Variants in HYAL1 observed in about 807,000 individuals in gnomAD.
HYAL1 encodes hyaluronidase-1.
In HYAL1, 21 loss-of-function variants were observed where a neutral mutation model predicts 28.8. The ratio of observed to expected loss-of-function variants is 0.73; its 90% CI spans 0.52 to 1.05. The LOEUF is 1.05. Ranked by LOEUF, HYAL1 falls within the 50% of genes least tolerant of loss-of-function variation. The pLI is 0.00. For missense variants in HYAL1, 491 were observed against 579.2 expected (o/e 0.85, Z 1.56); for synonymous variants, 200 against 230.1 (o/e 0.87, Z 1.18).
Position 50,300,448 on chromosome 3 carries a change from A to G in HYAL1, c.*35T>C, listed in dbSNP as rs782703015. ...GCCCTGGCCAGACCCAGAGTGCATTAGGTTCTCAATATGTGCAACTCAGTG... is the reference window on the plus strand; with the variant it reads ...GCCCTGGCCAGACCCAGAGTGCATTGGGTTCTCAATATGTGCAACTCAGTG... On this transcript the variant is annotated 3_prime_UTR_variant, in exon 4 of 4. Transcript: ENST00000395144. 26 of 1,608,356 alleles carry G rather than the reference A, an allele frequency of 1.6e-5. No homozygotes were observed. The highest frequency in any genetic ancestry group is 2.1e-5 in the Non-Finnish European group (25 of 1,175,008).
At chr3:50,303,643 C>A (rs781838559), upstream of HYAL1, 38 of 152,322 alleles carry the variant, frequency 2.5e-4, no homozygotes, top group Admixed American at 2.5e-3. Context: ...GGCCAAGGGG[C>A]GGGCCTTGGA....
Position 50,301,913 on chromosome 3 carries a change from T to G in HYAL1, c.900+144A>C. On this transcript the variant is annotated intron_variant, in intron 2 of 3. Transcript: ENST00000395144. ...TTGCAGTGAGCCAAGATCGTGCCAC[T>G]GCACTCCAGCCTGGGTGACAGAGTG... The G allele has an allele frequency of 3.5e-6, 3 of 863,686 alleles. No homozygotes were observed. In the South Asian group the frequency reaches 4.3e-5, roughly 12 times the overall value. 53.5% of individuals were successfully genotyped at this position (863,686 alleles called of 1,614,324 possible). A position where few individuals can be genotyped will look rare whatever the true frequency, so the allele number is the denominator to read the frequency against.
At chr3:50,301,243 G>T (rs1702143694) in intron 2 of HYAL1, among the ~76,000 whole-genome samples, 166 bp from the exon 3 acceptor site, 1 of 152,172 alleles carries the variant, frequency 6.6e-6, no homozygotes, top group Non-Finnish European at 1.5e-5. Flanking sequence ...ATTCCATGCA[G>T]ACAGGGACTA....
At position 50,302,873 on chromosome 3, in the gene HYAL1, G is replaced by A. The variant is rs782588575; in HGVS notation, c.84C>T (p.Pro28=). Residue 28 remains proline (P), a synonymous_variant, in exon 2 of 4, where the codon CCC becomes CCT. Coordinates refer to ENST00000395144, the MANE Select transcript of HYAL1 (RefSeq NM_033159.4). This position sits in a 1 kb window ranked among gnomAD's most constrained non-coding sequence, Gnocchi z 5.0. ...TCCAGACGGTGGTGAAGGGCCGGTTGGGTAGCAAGGGGCCCCTAAAGCCTT... is the reference window on the plus strand; with the variant it reads ...TCCAGACGGTGGTGAAGGGCCGGTTAGGTAGCAAGGGGCCCCTAAAGCCTT... ...MAQGFRGPLL[P]NRPFTTVWNA... The A allele has an allele frequency of 1.2e-6, 2 of 1,612,930 alleles. No homozygotes were observed. The highest frequency in any genetic ancestry group is 4.5e-5 in the East Asian group (2 of 44,866).
chr3:50,310,938 A>T (rs1440300494), intron 1 of HYAL1, among the ~76,000 whole-genome samples: 2 of 151,906 alleles, frequency 1.3e-5, no homozygotes, highest in African/African-American at 4.8e-5. Context: ...GATCAACAGG[A>T]TCCCAAGGCA....
In HYAL1 at chr3:50,302,003, AC is replaced by A; in HGVS notation, c.900+53del. Reference sequence around the variant, plus strand: ...CAAAGCTAAAGTACCCCAAGGCTGGACCTAATATCTGACAAGGCAGGTTGAC... The same window carrying A: ...CAAAGCTAAAGTACCCCAAGGCTGGACTAATATCTGACAAGGCAGGTTGAC... On this transcript the variant is annotated intron_variant, in intron 2 of 3. Coordinates refer to ENST00000395144, the MANE Select transcript of HYAL1 (RefSeq NM_033159.4). This position sits in a 1 kb window ranked among gnomAD's most constrained non-coding sequence, Gnocchi z 5.0. The A allele has an allele frequency of 6.4e-7, 1 of 1,561,856 alleles. No individual in the cohort carries two copies. Among genetic ancestry groups the A allele is most frequent in the African/African-American group, 1.4e-5 (1 of 73,958 alleles).
upstream of HYAL1, among the ~76,000 whole-genome samples, chr3:50,304,335 ATATG>A (rs1264719546): frequency 9.0e-5 from 10 of 111,150 alleles, no homozygotes; most frequent in African/African-American, 3.3e-4. Flanking sequence ...ATATATATAT[ATATG>A]GCTATAGTCT....
intron 1 of HYAL1, among the ~76,000 whole-genome samples, chr3:50,310,110 TA>T (rs1702416339): frequency 1.3e-5 from 2 of 151,520 alleles, no homozygotes; most frequent in African/African-American, 4.9e-5. Flanking sequence ...ATTCTAGTCT[TA>T]ACTGTTTTTT....
chr3:50,307,696 A>G (rs1429010723), upstream of HYAL1, among the ~76,000 whole-genome samples: 1 of 149,754 alleles, frequency 6.7e-6, no homozygotes, highest in African/African-American at 2.5e-5. Flanking sequence ...AAAAAAAAAA[A>G]AAAAAAAACC....
At chr3:50,309,021 G>A (rs1490758125) in intron 2 of HYAL1, among the ~76,000 whole-genome samples, 1 of 151,228 alleles carries the variant, frequency 6.6e-6, no homozygotes, top group Non-Finnish European at 1.5e-5. Flanking sequence ...GAGCCACCGT[G>A]CCTGGCCAAC....
At chr3:50,309,408 G>C (rs1484895494) in intron 2 of HYAL1, among the ~76,000 whole-genome samples, 3 of 145,538 alleles carry the variant, frequency 2.1e-5, no homozygotes, top group Non-Finnish European at 4.4e-5. Flanking sequence ...AGGTGGCAGT[G>C]AGCTGAGATT....
chr3:50,309,158 A>G (rs1180778160), intron 2 of HYAL1, among the ~76,000 whole-genome samples: 2 of 151,278 alleles, frequency 1.3e-5, no homozygotes, highest in Non-Finnish European at 2.9e-5. Context: ...AGTTATTTGC[A>G]TAAGTGCCAT....
chr3:50,310,992 G>A (rs1334404890), intron 1 of HYAL1, among the ~76,000 whole-genome samples: 1 of 152,090 alleles, frequency 6.6e-6, no homozygotes, highest in Admixed American at 6.5e-5. Context: ...AGTCTCCCAC[G>A]TCTACATCTT....
At position 50,302,260 on chromosome 3, in the gene HYAL1, C is replaced by G. The variant is rs1553713123; in HGVS notation, c.697G>C (p.Gly233Arg). 4 of 1,613,902 alleles carry G rather than the reference C, an allele frequency of 2.5e-6. No individual in the cohort carries two copies. Among genetic ancestry groups the G allele is most frequent in the Non-Finnish European group, 2.5e-6 (3 of 1,180,012 alleles). The change falls in exon 2 of 4, where the codon GGG becomes CGG. Residue 233 changes from glycine to arginine, a missense_variant. Coordinates refer to ENST00000395144, the MANE Select transcript of HYAL1 (RefSeq NM_033159.4). The surrounding 1 kb of genome is among the most constrained non-coding windows in gnomAD (Gnocchi z 5.0). Reference protein sequence around the residue: ...SGIRAQNDQLGWLWGQSRALY... With the variant: ...SGIRAQNDQLRWLWGQSRALY... ...GCACGGCTCTGGCCCCACAGCCACC[C>G]TAGCTGGTCATTTTGGGCACGGATG...
At position 50,302,916 on chromosome 3, in the gene HYAL1, G is replaced by C. The variant is rs1702231355; in HGVS notation, c.41C>G (p.Thr14Ser). The C allele has an allele frequency of 5.0e-6, 8 of 1,596,308 alleles. No individual in the cohort carries two copies. Among genetic ancestry groups the C allele is most frequent in the Non-Finnish European group, 6.0e-6 (7 of 1,168,302 alleles). The change falls in exon 2 of 4, where the codon ACC becomes AGC. Residue 14 changes from threonine (T) to serine (S), a missense_variant. Transcript: ENST00000395144. This position sits in a 1 kb window ranked among gnomAD's most constrained non-coding sequence, Gnocchi z 5.0. ...AAAGCCTTGGGCCATATCGAGTAAG[G>C]TCAGGAAGAGGGCGCAGATGGGAAG... ...HLLPICALFLTLLDMAQGFRG... is the reference protein window; with the variant it reads ...HLLPICALFLSLLDMAQGFRG...
intron 1 of HYAL1, among the ~76,000 whole-genome samples, chr3:50,312,030 C>G (rs868913058): frequency 7.3e-6 from 1 of 137,046 alleles, no homozygotes; most frequent in South Asian, 2.3e-4. Context: ...CTGTCCCCCC[C>G]ACCTCCCTCC....
At position 50,302,681 on chromosome 3, in the gene HYAL1, C is replaced by T. The variant is rs373545891; in HGVS notation, c.276G>A (p.Val92=). ...YPYYTPTGEP[V]FGGLPQNASL... ...TGGCATTCTGGGGCAGACCACCAAA[C>T]ACAGGCTCCCCAGTGGGCGTGTAGT... is the stretch of plus-strand genomic sequence containing the variant. Residue 92 remains valine, a synonymous_variant, in exon 2 of 4, where the codon GTG becomes GTA. Coordinates refer to ENST00000395144, the MANE Select transcript of HYAL1 (RefSeq NM_033159.4). The surrounding 1 kb of genome is among the most constrained non-coding windows in gnomAD (Gnocchi z 5.0). The T allele has an allele frequency of 2.3e-5, 37 of 1,614,012 alleles. No homozygotes were observed. Among genetic ancestry groups the T allele is most frequent in the Non-Finnish European group, 1.5e-5 (18 of 1,180,032 alleles).
rs587625905 is a variant in HYAL1 at position 50,308,734 on chromosome 3, C to CTTT, written c.-191+922_-191+924dup. On this transcript the variant is annotated intron_variant, in intron 2 of 5. Coordinates refer to the HYAL1 transcript ENST00000320295. ...ACAGGCATGAGCCACCGTGCCTGGC[C>CTTT]TTTTTTTTTTTTTTTAGACGAAGTC... 4.7e-4 allele frequency among the ~76,000 whole-genome samples: 55 copies of CTTT among 117,314 alleles called. 1 individual carries two copies. Among genetic ancestry groups the CTTT allele is most frequent in the African/African-American group, 1.7e-3 (50 of 29,348 alleles). 77.0% of individuals were successfully genotyped at this position (117,314 alleles called of 152,430 possible). A position where few individuals can be genotyped will look rare whatever the true frequency, so the allele number is the denominator to read the frequency against.
Position 50,300,623 on chromosome 3 carries a change from G to A in HYAL1, c.1168C>T (p.Gln390Ter). ...LLLNPASFSI[Q>*]LTPGGGPLSL... Reference sequence around the variant, plus strand: ...AGGGGCCCACCACCAGGCGTGAGCTGGATGGAGAAACTGGCAGGGTTAAGG... The same window carrying A: ...AGGGGCCCACCACCAGGCGTGAGCTAGATGGAGAAACTGGCAGGGTTAAGG... The change falls in exon 4 of 4, where the codon CAG becomes TAG. Residue 390 changes from glutamine to a stop codon, truncating the protein, a stop_gained. Coordinates refer to ENST00000395144, the MANE Select transcript of HYAL1 (RefSeq NM_033159.4). LOFTEE classifies it low-confidence loss of function (END_TRUNC). 6.2e-7 allele frequency: 1 copy of A among 1,614,192 alleles called. No homozygotes were observed. The highest frequency in any genetic ancestry group is 8.5e-7 in the Non-Finnish European group (1 of 1,180,012).
Sources: allele counts gnomAD v4.1 joint callset (sites outside exome capture counted in the v4.1 genomes callset), GRCh38; gene constraint gnomAD v4.1.1; non-coding constraint Gnocchi (gnomAD v3.1); transcripts MANE v1.5; gene names NCBI Gene and HGNC (gene_info 2026-07-23, HGNC 2026-07-21).